MIR2052HG: variants seen among roughly 807,000 people sequenced by gnomAD.
The protein encoded by MIR2052HG is MIR2052 host gene.
At chr8:74,609,543 T>C (rs1808161400) in intron 1 of MIR2052HG, among the ~76,000 whole-genome samples, 1 of 151,744 alleles carries the variant, frequency 6.6e-6, no homozygotes, top group African/African-American at 2.4e-5. Flanking sequence ...CAAACCTTTC[T>C]AACAAAATTT....
intron 2 of MIR2052HG, among the ~76,000 whole-genome samples, chr8:74,625,918 G>A (rs1257580907): frequency 1.3e-5 from 2 of 152,122 alleles, no homozygotes; most frequent in South Asian, 2.1e-4. Context: ...TCACCCTACA[G>A]CAATCTTGGA....
chr8:74,750,058 T>C (rs1034508901), intron 4 of MIR2052HG, among the ~76,000 whole-genome samples: 1 of 152,194 alleles, frequency 6.6e-6, no homozygotes, highest in Non-Finnish European at 1.5e-5. Flanking sequence ...CCTGACATTT[T>C]ACTTTGCTGA....
chr8:74,614,703 C>T (rs1027962815), intron 2 of MIR2052HG, among the ~76,000 whole-genome samples: 27 of 151,168 alleles, frequency 1.8e-4, no homozygotes, highest in African/African-American at 6.1e-4. Flanking sequence ...TTCCTTTCTT[C>T]TCAATTTAAA....
At chr8:74,627,678 G>T (rs952710223) in intron 2 of MIR2052HG, among the ~76,000 whole-genome samples, 7 of 152,144 alleles carry the variant, frequency 4.6e-5, no homozygotes, top group Admixed American at 4.6e-4. Flanking sequence ...CCGAATAATT[G>T]TGTCAGTTAT....
intron 4 of MIR2052HG, among the ~76,000 whole-genome samples, chr8:74,711,382 A>G (rs1477431956): frequency 6.6e-6 from 1 of 152,236 alleles, no homozygotes; most frequent in Non-Finnish European, 1.5e-5. Context: ...TTGTGTATGT[A>G]GGAGGATCTT....
At chr8:74,660,878 T>A (rs1808856069) in intron 2 of MIR2052HG, among the ~76,000 whole-genome samples, 1 of 146,088 alleles carries the variant, frequency 6.8e-6, no homozygotes, top group Non-Finnish European at 1.5e-5. Flanking sequence ...TTAAAAAAAA[T>A]AACAGACTTG....
chr8:74,670,180 A>T (rs2128737910), intron 2 of MIR2052HG, among the ~76,000 whole-genome samples: 1 of 152,312 alleles, frequency 6.6e-6, no homozygotes, highest in African/African-American at 2.4e-5. Flanking sequence ...TATTTAAACC[A>T]CCTAGTCTGT....
chr8:74,651,189 C>A (rs1808747978), intron 2 of MIR2052HG, among the ~76,000 whole-genome samples: 1 of 151,424 alleles, frequency 6.6e-6, no homozygotes, highest in Non-Finnish European at 1.5e-5. Flanking sequence ...GCCACCATAG[C>A]CGTTGGGAAC....
chr8:74,621,858 T>C (rs1480227076), intron 2 of MIR2052HG, among the ~76,000 whole-genome samples: 1 of 152,178 alleles, frequency 6.6e-6, no homozygotes, highest in Non-Finnish European at 1.5e-5. Context: ...TGCAGAAGAA[T>C]GAAACTAGAC....
intron 4 of MIR2052HG, among the ~76,000 whole-genome samples, chr8:74,704,485 A>C (rs962805238): frequency 2.0e-5 from 3 of 152,008 alleles, no homozygotes; most frequent in Admixed American, 2.0e-4. Context: ...GAGATCCAGC[A>C]ATTTCTTTTT....
intron 2 of MIR2052HG, among the ~76,000 whole-genome samples, chr8:74,662,762 A>G (rs1015550890): frequency 5.3e-5 from 8 of 151,960 alleles, no homozygotes; most frequent in Admixed American, 3.9e-4. Context: ...TTCTTTAATG[A>G]TAGGAGGGGC....
chr8:74,645,742 T>C (rs1414210806), intron 2 of MIR2052HG, among the ~76,000 whole-genome samples: 2 of 152,198 alleles, frequency 1.3e-5, no homozygotes, highest in Admixed American at 6.5e-5. Flanking sequence ...AGCTATTCCA[T>C]TAATCAGACC....
chr8:74,641,488 T>A (rs1430516588), intron 2 of MIR2052HG, among the ~76,000 whole-genome samples: 1 of 152,216 alleles, frequency 6.6e-6, no homozygotes, highest in Non-Finnish European at 1.5e-5. Context: ...TTTCTTCTTA[T>A]ATGAGTTATT....
chr8:74,705,611 G>T (rs2128741248), intron 4 of MIR2052HG: 1 of 170,154 alleles, frequency 5.9e-6, no homozygotes, highest in Admixed American at 6.6e-5. Flanking sequence ...GATGGTGCTT[G>T]TAGTCAAGGG....
At chr8:74,737,860 C>T (rs1261593871) in intron 4 of MIR2052HG, among the ~76,000 whole-genome samples, 1 of 152,096 alleles carries the variant, frequency 6.6e-6, no homozygotes, top group African/African-American at 2.4e-5. Flanking sequence ...TAGTTTTCTC[C>T]TATTTTATTC....
Position 74,683,365 on chromosome 8 carries a change from G to T in MIR2052HG, n.217-19014G>T, listed in dbSNP as rs558045171. Among the ~76,000 whole-genome samples, 10 of 152,202 alleles carry T rather than the reference G, an allele frequency of 6.6e-5. No homozygotes were observed. The South Asian group carries it at 1.0e-3, about 16-fold the overall frequency. On this transcript the variant is annotated intron_variant and non_coding_transcript_variant, in intron 2 of 6. Coordinates refer to ENST00000523442, the Ensembl canonical transcript of MIR2052HG. ...GTATCCCTGAATTTCAGAAATATTA[G>T]TTGGAAATGGAAGTCACTAACATAA...
At chr8:74,657,002 G>C (rs1202074814) in intron 2 of MIR2052HG, among the ~76,000 whole-genome samples, 1 of 152,210 alleles carries the variant, frequency 6.6e-6, no homozygotes, top group Non-Finnish European at 1.5e-5. Context: ...AGAATAAGTA[G>C]AGGAGGAGGA....
chr8:74,692,448 T>C (rs1222536897), intron 2 of MIR2052HG, among the ~76,000 whole-genome samples: 1 of 152,202 alleles, frequency 6.6e-6, no homozygotes, highest in African/African-American at 2.4e-5. Flanking sequence ...AAAGAGAATG[T>C]CACTGGTGAG....
At chr8:74,649,281 GA>G (rs1808727726) in intron 2 of MIR2052HG, among the ~76,000 whole-genome samples, 1 of 152,146 alleles carries the variant, frequency 6.6e-6, no homozygotes, top group Non-Finnish European at 1.5e-5. Context: ...AATATTTTAT[GA>G]AAATGACGCC....
Sources: allele counts gnomAD v4.1 joint callset (sites outside exome capture counted in the v4.1 genomes callset), GRCh38; gene constraint gnomAD v4.1.1; transcripts MANE v1.5; gene names NCBI Gene and HGNC (gene_info 2026-07-23, HGNC 2026-07-21).